ADCY2: variants seen among roughly 807,000 people sequenced by gnomAD.
ADCY2 encodes adenylate cyclase type 2.
Under a neutral mutation model 125.2 loss-of-function variants are expected in ADCY2, and 31 were observed. The ratio of observed to expected loss-of-function variants is 0.25; its 90% CI spans 0.19 to 0.33. ADCY2 has a LOEUF of 0.33. Ranked by LOEUF, ADCY2 falls within the 10% of genes least tolerant of loss-of-function variation. The pLI, the probability that ADCY2 is intolerant of heterozygous loss-of-function variation, is 1.00. For synonymous variants in ADCY2, 512 were observed against 548.4 expected (o/e 0.93, Z 0.93); for missense variants, 904 against 1,418.2 (o/e 0.64, Z 5.82).
chr5:7,448,802 T>C (rs1466694711), intron 2 of ADCY2, among the ~76,000 whole-genome samples: 1 of 152,210 alleles, frequency 6.6e-6, no homozygotes. Flanking sequence ...GCAAAAGACA[T>C]GATCTTGTTC....
chr5:7,413,081 G>A (rs1739786767), intron 1 of ADCY2, among the ~76,000 whole-genome samples: 1 of 152,116 alleles, frequency 6.6e-6, no homozygotes, highest in South Asian at 2.1e-4. Flanking sequence ...CCCTCCTTGG[G>A]AACCAAGACT....
chr5:7,424,896 C>G (rs1264735072), intron 2 of ADCY2, among the ~76,000 whole-genome samples: 4 of 152,162 alleles, frequency 2.6e-5, no homozygotes, highest in Non-Finnish European at 4.4e-5. Flanking sequence ...TCATCTGGGT[C>G]TGCCCTAGCT....
chr5:7,726,541 A>G (rs1049712476), intron 13 of ADCY2, among the ~76,000 whole-genome samples: 1 of 152,128 alleles, frequency 6.6e-6, no homozygotes, highest in Non-Finnish European at 1.5e-5. Context: ...TGGTCAGCTT[A>G]TTCATGGCAT....
chr5:7,818,749 C>T (rs1745202287), intron 23 of ADCY2, among the ~76,000 whole-genome samples: 1 of 152,068 alleles, frequency 6.6e-6, no homozygotes, highest in Non-Finnish European at 1.5e-5. Flanking sequence ...GATGACCACA[C>T]CAAACATGGG....
intron 2 of ADCY2, among the ~76,000 whole-genome samples, chr5:7,491,231 T>C (rs950303652): frequency 6.6e-6 from 1 of 152,168 alleles, no homozygotes; most frequent in Non-Finnish European, 1.5e-5. Context: ...CTGTGCTTGG[T>C]TCAAAAATGA....
At chr5:7,784,253 T>C (rs1744013929) in intron 18 of ADCY2, 112 bp from the exon 19 acceptor site, 1 of 753,592 alleles carries the variant, frequency 1.3e-6, no homozygotes, top group Non-Finnish European at 2.2e-6. Flanking sequence ...GGCTGGTATA[T>C]GATGTAGACA....
intron 4 of ADCY2, among the ~76,000 whole-genome samples, chr5:7,671,876 G>A (rs777535021): frequency 3.2e-4 from 49 of 152,016 alleles, no homozygotes; most frequent in Non-Finnish European, 5.9e-4. Context: ...GTGTTAGTCC[G>A]GCCCCTTCAT....
Position 7,709,980 on chromosome 5 carries a change from G to A in ADCY2, c.1578+593G>A, listed in dbSNP as rs1741389644. Among the ~76,000 whole-genome samples the A allele has an allele frequency of 2.6e-5, 4 of 152,222 alleles. No homozygotes were observed. The highest frequency in any genetic ancestry group is 2.6e-4 in the Admixed American group (4 of 15,286). On this transcript the variant is annotated intron_variant, in intron 10 of 24. Transcript: ENST00000338316. The surrounding 1 kb of genome is among the most constrained non-coding windows in gnomAD (Gnocchi z 4.4). ...AAAGTAAATACAACCAAGCACTTAG[G>A]ATAATCCCCATAGTATTTTTAGATT...
chr5:7,587,202 G>C lies in ADCY2; in HGVS notation c.571-38965G>C, dbSNP rs557746424. On this transcript the variant is annotated intron_variant, in intron 3 of 24. Coordinates refer to ENST00000338316, the MANE Select transcript of ADCY2 (RefSeq NM_020546.3). ...CAGGACTAACTTCAACTCATCCCTT[G>C]GGACTTAACTCAGGGATCACCTGCT... 1.2e-4 allele frequency among the ~76,000 whole-genome samples: 19 copies of C among 152,172 alleles called. No homozygotes were observed. In the East Asian group the frequency reaches 3.7e-3, roughly 30 times the overall value.
At chr5:7,683,086 A>G (rs565579852) in intron 4 of ADCY2, among the ~76,000 whole-genome samples, 89 of 152,354 alleles carry the variant, frequency 5.8e-4, no homozygotes, top group African/African-American at 2.1e-3. Context: ...TGCAAGGCAG[A>G]CAAGTGGGGG....
chr5:7,437,136 A>G (rs1354706995), intron 2 of ADCY2, among the ~76,000 whole-genome samples: 1 of 152,156 alleles, frequency 6.6e-6, no homozygotes, highest in African/African-American at 2.4e-5. Context: ...ACACATTACA[A>G]TGTGCTGGAC....
intron 2 of ADCY2, among the ~76,000 whole-genome samples, 174 bp downstream of exon 2, chr5:7,414,944 A>G (rs1739880393): frequency 6.6e-6 from 1 of 152,064 alleles, no homozygotes; most frequent in South Asian, 2.1e-4. Flanking sequence ...TTATAATTGT[A>G]TGTATTATGG....
intron 14 of ADCY2, among the ~76,000 whole-genome samples, chr5:7,742,847 T>C (rs541255528): frequency 6.6e-6 from 1 of 152,260 alleles, no homozygotes; most frequent in African/African-American, 2.4e-5. Context: ...GGCATGAGGT[T>C]CCATTTTGGT....
At chr5:7,820,829 C>A (rs765221542) in intron 24 of ADCY2, 140 bp downstream of exon 24, 1 of 1,177,862 alleles carries the variant, frequency 8.5e-7, no homozygotes, top group Non-Finnish European at 1.1e-6. Flanking sequence ...TTTTGGAGAA[C>A]AATTTTTGGG....
intron 3 of ADCY2, among the ~76,000 whole-genome samples, chr5:7,529,559 G>T (rs540495914): frequency 1.3e-5 from 2 of 152,272 alleles, no homozygotes; most frequent in East Asian, 3.9e-4. Flanking sequence ...ACATGGAAGC[G>T]AATGTGAGAG....
At chr5:7,436,107 A>C (rs1740789794) in intron 2 of ADCY2, among the ~76,000 whole-genome samples, 1 of 152,240 alleles carries the variant, frequency 6.6e-6, no homozygotes, top group South Asian at 2.1e-4. Context: ...AATGATAATT[A>C]ATTAACACTG....
chr5:7,767,391 T>G (rs1743416437), intron 17 of ADCY2, among the ~76,000 whole-genome samples: 1 of 152,128 alleles, frequency 6.6e-6, no homozygotes, highest in African/African-American at 2.4e-5. Context: ...AACAACTTTG[T>G]CCTTCCATAA....
chr5:7,728,117 C>T (rs944840033), intron 14 of ADCY2, among the ~76,000 whole-genome samples: 3 of 151,984 alleles, frequency 2.0e-5, no homozygotes, highest in African/African-American at 7.2e-5. Flanking sequence ...CATTTTCAAT[C>T]TAGTAGAATT....
At chr5:7,511,849 A>G (rs1744074030) in intron 2 of ADCY2, among the ~76,000 whole-genome samples, 1 of 151,992 alleles carries the variant, frequency 6.6e-6, no homozygotes. Flanking sequence ...GGGAGACTGG[A>G]GATAGCACCA....
Sources: allele counts gnomAD v4.1 joint callset (sites outside exome capture counted in the v4.1 genomes callset), GRCh38; gene constraint gnomAD v4.1.1; non-coding constraint Gnocchi (gnomAD v3.1); transcripts MANE v1.5; gene names NCBI Gene and HGNC (gene_info 2026-07-23, HGNC 2026-07-21).